Variants in TCF25 observed in about 807,000 individuals in gnomAD.
TCF25 encodes the protein ribosome quality control complex subunit TCF25.
TCF25 carries 41 observed loss-of-function variants against 83.1 expected under a neutral mutation model. The observed-to-expected ratio is 0.49, with a 90% confidence interval of 0.38 to 0.64. TCF25 has a LOEUF of 0.64. Ranked by LOEUF, TCF25 falls within the 30% of genes least tolerant of loss-of-function variation. TCF25 has a pLI of 0.00. For synonymous variants in TCF25, 458 were observed against 365.0 expected, an observed-to-expected ratio of 1.25 and a Z score of -2.90; for missense variants, 979 against 914.5, an observed-to-expected ratio of 1.07 and a Z score of -0.91.
chr16:89,897,373 C>G lies in TCF25; in HGVS notation c.1023-1184C>G, dbSNP rs1296143453. Among the ~76,000 whole-genome samples, 3 of 152,368 alleles carry G rather than the reference C, an allele frequency of 2.0e-5. No homozygotes were observed. In the East Asian group the frequency reaches 5.8e-4, roughly 29 times the overall value. ...TCCTGTGGGCCCTTTGTGGAGCAGACCAGCTTCTGTCCGCTGTCCTGCCTC... is the reference window on the plus strand; with the variant it reads ...TCCTGTGGGCCCTTTGTGGAGCAGAGCAGCTTCTGTCCGCTGTCCTGCCTC... On this transcript the variant is annotated intron_variant, in intron 9 of 17. Coordinates refer to ENST00000263346, the MANE Select transcript of TCF25 (RefSeq NM_014972.3).
rs2042754164 is a variant in TCF25 at position 89,883,433 on chromosome 16, G to A, written c.275G>A (p.Gly92Glu). The change falls in exon 2 of 18, where the codon GGG becomes GAG. Residue 92 changes from glycine (G) to glutamate (E), a missense_variant. By Grantham distance (98) the Gly-to-Glu change is moderately conservative. Coordinates refer to ENST00000263346, the MANE Select transcript of TCF25 (RefSeq NM_014972.3). The part of the protein sequence containing the change: ...GCALTDAVAP[G>E]NKGRGQRGNT... The stretch of plus-strand genomic sequence containing the variant: ...GCGCTCACAGACGCTGTGGCACCAG[G>A]GAACAAAGGAAGGGGTCAGCGTGGA... 6.2e-7 allele frequency: 1 copy of A among 1,613,946 alleles called. No individual in the cohort carries two copies. The highest frequency in any genetic ancestry group is 1.3e-5 in the African/African-American group (1 of 74,888).
chr16:89,888,923 G>T (rs1407670793), intron 5 of TCF25, among the ~76,000 whole-genome samples: 1 of 149,680 alleles, frequency 6.7e-6, no homozygotes, highest in East Asian at 2.0e-4. Flanking sequence ...CTGACCTCAG[G>T]TGATCCACTT....
At chr16:89,880,326 G>A (rs1458900854) in intron 1 of TCF25, among the ~76,000 whole-genome samples, 1 of 152,242 alleles carries the variant, frequency 6.6e-6, no homozygotes. Flanking sequence ...GCTCACGCCT[G>A]TAATCCCAGC....
In TCF25 at chr16:89,893,614, G is replaced by C. The variant is rs569185954; in HGVS notation, c.698-114G>C. On this transcript the variant is annotated intron_variant, in intron 6 of 17. Transcript: ENST00000263346. Reference sequence around the variant, plus strand: ...ACCCATGAGTACACACTCAGGTCAAGTTTGTCGATATCGCAGAGGCCTCAT... The same window carrying C: ...ACCCATGAGTACACACTCAGGTCAACTTTGTCGATATCGCAGAGGCCTCAT... The C allele has an allele frequency of 2.6e-6, 4 of 1,538,286 alleles. No homozygotes were observed. In the South Asian group the frequency reaches 4.8e-5, roughly 18 times the overall value.
At chr16:89,906,408 C>A in intron 15 of TCF25, 124 bp downstream of exon 15, 3 of 901,102 alleles carry the variant, frequency 3.3e-6, no homozygotes, top group Non-Finnish European at 5.2e-6. Context: ...AGCCCCGCCA[C>A]GGCAGGGGCA....
Position 89,900,685 on chromosome 16 carries a change from G to A in TCF25, c.1272G>A (p.Leu424=). 6.2e-7 allele frequency: 1 copy of A among 1,605,418 alleles called. No homozygotes were observed. The highest frequency in any genetic ancestry group is 8.5e-7 in the Non-Finnish European group (1 of 1,172,686). The change falls in exon 12 of 18, where the codon CTG becomes CTA. Residue 424 remains leucine (L), a synonymous_variant. Coordinates refer to ENST00000263346, the MANE Select transcript of TCF25 (RefSeq NM_014972.3). ...QLPNFAFSVP[L]AYFLLSQQTD... ...CTAATTTTGCCTTCTCTGTTCCACT[G>A]GCGTATTTCCTGCTGAGCCAGCAGA...
At chr16:89,898,523 CGTT>C (rs777572194) in intron 9 of TCF25, 31 bp from the exon 10 acceptor site, 8 of 1,523,690 alleles carry the variant, frequency 5.3e-6, no homozygotes, top group South Asian at 2.3e-5. Flanking sequence ...TCCTTTGTGT[CGTT>C]GTAATTCATG....
chr16:89,910,754 CTG>C lies in TCF25; in HGVS notation c.1872+94_1872+95del. ...TGCCTGGAGCCTCCTTGAACCAGGA[CTG>C]TGCCAGCCGGCACAGGGAGCAGGGA... On this transcript the variant is annotated intron_variant, in intron 17 of 17. Transcript: ENST00000263346. The C allele has an allele frequency of 5.7e-6, 8 of 1,413,898 alleles. No homozygotes were observed. The South Asian group carries it at 5.8e-5, about 10-fold the overall frequency. 87.6% of individuals were successfully genotyped at this position (1,413,898 alleles called of 1,614,324 possible). A position where few individuals can be genotyped will look rare whatever the true frequency, so the allele number is the denominator to read the frequency against.
At position 89,873,854 on chromosome 16, in the gene TCF25, G is replaced by C. The variant is rs766505964; in HGVS notation, c.187G>C (p.Glu63Gln). 2 of 1,546,048 alleles carry C rather than the reference G, an allele frequency of 1.3e-6. No individual in the cohort carries two copies. Among genetic ancestry groups the C allele is most frequent in the Non-Finnish European group, 1.7e-6 (2 of 1,147,438 alleles). The change falls in exon 1 of 18, where the codon GAG becomes CAG. Residue 63 changes from glutamate to glutamine, a missense_variant. Physicochemically the swap from Glu to Gln is conservative, Grantham distance 29 (BLOSUM62 2). Transcript: ENST00000263346. ...KEGVRVNNRF[E>Q]LINIDDLEDD... ...GGGCGTCCGAGTCAACAACCGCTTC[G>C]AGCTGGTGAGGAGCGCGGCGGCCCG... is the stretch of plus-strand genomic sequence containing the variant.
At chr16:89,901,405 A>G (rs28612453) in intron 12 of TCF25, among the ~76,000 whole-genome samples, 2,339 of 145,858 alleles carry the variant, frequency 0.016, 78 homozygotes, top group African/African-American at 0.057. Flanking sequence ...CCTTAAGACG[A>G]GCCTCCTCTG....
chr16:89,908,845 T>G (rs561614648), intron 16 of TCF25: 1 of 1,126,860 alleles, frequency 8.9e-7, no homozygotes, highest in Admixed American at 2.6e-5. Context: ...ACCTCGCAGC[T>G]CCCAGCTCTC....
At chr16:89,900,534 G>C in intron 11 of TCF25, 101 bp from the exon 12 acceptor site, 1 of 1,375,068 alleles carries the variant, frequency 7.3e-7, no homozygotes, top group Non-Finnish European at 9.8e-7. Context: ...GAATATACCT[G>C]CTCGGGGTAG....
At chr16:89,908,503 CCCA>C (rs2045200701) in intron 16 of TCF25, among the ~76,000 whole-genome samples, 1 of 145,052 alleles carries the variant, frequency 6.9e-6, no homozygotes, top group African/African-American at 2.5e-5. Flanking sequence ...CCTCGCAGTT[CCCA>C]CCTCCCACCT....
chr16:89,877,113 TA>T lies in TCF25; in HGVS notation c.192+3257del, dbSNP rs934992023. Among the ~76,000 whole-genome samples the T allele has an allele frequency of 2.0e-5, 3 of 149,544 alleles. No individual in the cohort carries two copies. The East Asian group carries it at 5.8e-4, about 29-fold the overall frequency. On this transcript the variant is annotated intron_variant, in intron 1 of 17. Coordinates refer to ENST00000263346, the MANE Select transcript of TCF25 (RefSeq NM_014972.3). Reference sequence around the variant, plus strand: ...CGAGACTCTGTCTCAAAAAAATAAATAAATAAATAAATAAATAAATCGTAAT... The same window carrying T: ...CGAGACTCTGTCTCAAAAAAATAAATAATAAATAAATAAATAAATCGTAAT...
chr16:89,886,076 G>A (rs1373408683), intron 4 of TCF25, 110 bp downstream of exon 4: 1 of 670,016 alleles, frequency 1.5e-6, no homozygotes, highest in Non-Finnish European at 2.5e-6. Flanking sequence ...GACTTCGTGG[G>A]AGGAAAAGGT....
At chr16:89,888,064 G>C (rs1472793169) in intron 5 of TCF25, among the ~76,000 whole-genome samples, 2 of 152,018 alleles carry the variant, frequency 1.3e-5, no homozygotes, top group East Asian at 1.9e-4. Context: ...TCAGGAGTTT[G>C]AGACCAGCTG....
At position 89,878,419 on chromosome 16, in the gene TCF25, C is replaced by G. The variant is rs757654520; in HGVS notation, c.192+4560C>G. The G allele has an allele frequency of 5.5e-5, 67 of 1,226,352 alleles. 1 individual carries two copies. In the South Asian group the frequency reaches 8.9e-4, roughly 16 times the overall value. 76.0% of individuals were successfully genotyped at this position (1,226,352 alleles called of 1,614,324 possible). On this transcript the variant is annotated intron_variant, in intron 1 of 17. Coordinates refer to ENST00000263346, the MANE Select transcript of TCF25 (RefSeq NM_014972.3). Reference sequence around the variant, plus strand: ...TGGCCGACATGGTGAAACTCCGTCTCTATTAAAAATCACCATTTTTTTTTT... The same window carrying G: ...TGGCCGACATGGTGAAACTCCGTCTGTATTAAAAATCACCATTTTTTTTTT...
chr16:89,879,411 G>A (rs2042444632), intron 1 of TCF25, among the ~76,000 whole-genome samples: 1 of 144,016 alleles, frequency 6.9e-6, no homozygotes, highest in South Asian at 2.3e-4. Context: ...CGTGTTGTCC[G>A]TGTACACAGA....
chr16:89,896,129 C>T (rs2043830279), intron 9 of TCF25, 46 bp downstream of exon 9: 11 of 1,582,656 alleles, frequency 7.0e-6, no homozygotes, highest in Non-Finnish European at 8.6e-6. Context: ...CTTCCCTTCT[C>T]CTGCGAGTGA....
Sources: allele counts gnomAD v4.1 joint callset (sites outside exome capture counted in the v4.1 genomes callset), GRCh38; gene constraint gnomAD v4.1.1; transcripts MANE v1.5; gene names NCBI Gene and HGNC (gene_info 2026-07-23, HGNC 2026-07-21).